The following PSD3 variants were observed in gnomAD, a reference collection of about 807,000 sequenced individuals.
PSD3 encodes PH and SEC7 domain-containing protein 3.
A neutral mutation model predicts 105.5 loss-of-function variants in PSD3; 49 were observed. That is an observed-to-expected ratio of 0.46 (90% CI 0.37 to 0.59). The LOEUF is 0.59. Ranked by LOEUF, PSD3 falls within the 20% of genes least tolerant of loss-of-function variation. PSD3 has a pLI of 0.00. For synonymous variants in PSD3, 557 were observed against 457.8 expected, an observed-to-expected ratio of 1.22 and a Z score of -2.77; for missense variants, 1,561 against 1,263.8, an observed-to-expected ratio of 1.24 and a Z score of -3.57.
intron 1 of PSD3, among the ~76,000 whole-genome samples, chr8:19,060,630 T>C (rs965846554): frequency 1.3e-5 from 2 of 152,178 alleles, no homozygotes; most frequent in Admixed American, 1.3e-4. Flanking sequence ...TGAGACCCCA[T>C]CTCAAACAAC....
At position 18,636,719 on chromosome 8, in the gene PSD3, G is replaced by C. The variant is rs1158223179; in HGVS notation, c.2217-3913C>G. Among the ~76,000 whole-genome samples, 4 of 152,104 alleles carry C rather than the reference G, an allele frequency of 2.6e-5. No individual in the cohort carries two copies. The East Asian group carries it at 7.7e-4, about 29-fold the overall frequency. On this transcript the variant is annotated intron_variant, in intron 10 of 15. Transcript: ENST00000327040. ...ATTTTTTGATTACTGTTTGTTTTCT[G>C]TTTAGATATACAAATACCATTGTGT...
At chr8:18,800,277 G>A (rs1476888592) in intron 7 of PSD3, among the ~76,000 whole-genome samples, 5 of 152,020 alleles carry the variant, frequency 3.3e-5, no homozygotes, top group Admixed American at 1.3e-4. Context: ...CTCTTGTCAG[G>A]GCTAATGGTG....
At chr8:19,070,751 C>G (rs902925697) in intron 1 of PSD3, among the ~76,000 whole-genome samples, 1 of 152,140 alleles carries the variant, frequency 6.6e-6, no homozygotes, top group African/African-American at 2.4e-5. Context: ...GTCTTGTACA[C>G]CTCACTTTCC....
chr8:18,819,934 A>C (rs548086144), intron 4 of PSD3, among the ~76,000 whole-genome samples: 2 of 152,320 alleles, frequency 1.3e-5, no homozygotes, highest in Non-Finnish European at 2.9e-5. Flanking sequence ...TGGCTGTCAG[A>C]CTTTTATTAC....
intron 11 of PSD3, among the ~76,000 whole-genome samples, chr8:18,601,754 C>A (rs1191310259): frequency 6.6e-6 from 1 of 152,138 alleles, no homozygotes; most frequent in African/African-American, 2.4e-5. Context: ...AAACAGATAA[C>A]CATACATCAC....
chr8:18,760,111 C>T (rs11988744), intron 9 of PSD3, among the ~76,000 whole-genome samples: 4,088 of 151,618 alleles, frequency 0.027, 192 homozygotes, highest in African/African-American at 0.092. Context: ...GAGGAACTTT[C>T]AAGAAAATTC....
intron 15 of PSD3, among the ~76,000 whole-genome samples, chr8:18,542,705 T>C (rs966900269): frequency 1.2e-4 from 18 of 152,308 alleles, no homozygotes; most frequent in African/African-American, 4.1e-4. Flanking sequence ...TAGCCTGTTG[T>C]TGACAATGCC....
chr8:18,563,867 A>G (rs1585249994), intron 14 of PSD3, among the ~76,000 whole-genome samples: 1 of 152,184 alleles, frequency 6.6e-6, no homozygotes, highest in Admixed American at 6.5e-5. Flanking sequence ...AGAAGGACAT[A>G]AGATTACTGG....
chr8:18,704,315 C>A (rs968398964), intron 9 of PSD3, among the ~76,000 whole-genome samples: 9 of 152,172 alleles, frequency 5.9e-5, no homozygotes, highest in Non-Finnish European at 1.0e-4. Flanking sequence ...ACAATGGGGA[C>A]CTTAAACTCC....
At chr8:18,649,069 G>T (rs1272124144) in intron 10 of PSD3, among the ~76,000 whole-genome samples, 1 of 152,314 alleles carries the variant, frequency 6.6e-6, no homozygotes, top group East Asian at 1.9e-4. Flanking sequence ...AGAGAAATGT[G>T]GGGTTGGTGC....
intron 14 of PSD3, among the ~76,000 whole-genome samples, chr8:18,560,107 T>G (rs1443437381): frequency 6.6e-6 from 1 of 151,832 alleles, no homozygotes; most frequent in African/African-American, 2.4e-5. Context: ...AAGTGGCTCT[T>G]ACGGACACAG....
intron 1 of PSD3, among the ~76,000 whole-genome samples, chr8:19,046,290 T>G (rs1011926595): frequency 6.6e-6 from 1 of 152,112 alleles, no homozygotes; most frequent in African/African-American, 2.4e-5. Flanking sequence ...TTTTGTATTT[T>G]TAGTAGAGAC....
chr8:18,965,764 G>A (rs187319627), intron 1 of PSD3, among the ~76,000 whole-genome samples: 4 of 152,322 alleles, frequency 2.6e-5, no homozygotes, highest in Admixed American at 1.3e-4. Flanking sequence ...ATTTTGACAC[G>A]TGGATATTTT....
rs1445929366 is a variant in PSD3 at position 18,532,825 on chromosome 8, C to T, written c.*2918G>A. ...AATTCAGATTTTATACATGGGCCACCTGTATGGTCAATTTTGCAACAACAC... is the reference window on the plus strand; with the variant it reads ...AATTCAGATTTTATACATGGGCCACTTGTATGGTCAATTTTGCAACAACAC... On this transcript the variant is annotated 3_prime_UTR_variant, in exon 16 of 16. Coordinates refer to ENST00000327040, the MANE Select transcript of PSD3 (RefSeq NM_015310.4). 6.6e-6 allele frequency: 1 copy of T among 152,138 alleles called. No individual in the cohort carries two copies. The allele number at this position is 152,138 out of a possible 1,614,324, so 9.4% of individuals were successfully genotyped here. A position where few individuals can be genotyped will look rare whatever the true frequency, so the allele number is the denominator to read the frequency against.
chr8:18,940,248 C>G (rs1484446959), intron 1 of PSD3: 1 of 152,154 alleles, frequency 6.6e-6, no homozygotes, highest in East Asian at 1.9e-4. Context: ...TGCTCTCGAC[C>G]AATGGTCTTC....
At position 18,686,575 on chromosome 8, in the gene PSD3, G is replaced by A. The variant is rs191861295; in HGVS notation, c.2173-30890C>T. On this transcript the variant is annotated intron_variant, in intron 9 of 15. Transcript: ENST00000327040. The stretch of plus-strand genomic sequence containing the variant: ...CAGTCTCACAGCAGATGATCCCTGC[G>A]ACATATCTGAGTATGTCTCAAGAGG... 9.2e-3 allele frequency among the ~76,000 whole-genome samples: 1,406 copies of A among 152,246 alleles called. 12 individuals are homozygous for A. The highest frequency in any genetic ancestry group is 0.044 in the Middle Eastern group (13 of 294).
At chr8:18,677,880 G>A (rs1442368943) in intron 9 of PSD3, among the ~76,000 whole-genome samples, 1 of 151,864 alleles carries the variant, frequency 6.6e-6, no homozygotes, top group Non-Finnish European at 1.5e-5. Context: ...CGTGGTGGCG[G>A]GTGCCTGTAG....
intron 1 of PSD3, among the ~76,000 whole-genome samples, chr8:19,066,325 T>A (rs1213817017): frequency 6.6e-6 from 1 of 152,242 alleles, no homozygotes; most frequent in Non-Finnish European, 1.5e-5. Flanking sequence ...TAAAGAAATT[T>A]TAATTCTAAC....
chr8:18,757,682 A>G (rs1806171505), intron 9 of PSD3, among the ~76,000 whole-genome samples: 1 of 152,148 alleles, frequency 6.6e-6, no homozygotes, highest in African/African-American at 2.4e-5. Flanking sequence ...CACATAGACA[A>G]TTGCGATTTT....
Sources: gnomAD v4.1 joint callset for allele counts (sites outside exome capture counted in the v4.1 genomes callset) on GRCh38, gnomAD v4.1.1 for gene constraint, MANE v1.5 for transcripts, NCBI Gene and HGNC (gene_info 2026-07-23, HGNC 2026-07-21) for gene names.